The following PDS5A variants were observed in gnomAD, a reference collection of about 807,000 sequenced individuals.
PDS5A encodes sister chromatid cohesion protein PDS5 homolog A.
A neutral mutation model predicts 167.1 loss-of-function variants in PDS5A; 42 were observed. The observed-to-expected ratio is 0.25, with a 90% confidence interval of 0.20 to 0.33. PDS5A has a LOEUF of 0.33. Among genes scored for constraint, PDS5A ranks in the 10% least tolerant of loss-of-function variants. The pLI, the probability that PDS5A is intolerant of heterozygous loss-of-function variation, is 1.00. For missense variants in PDS5A, 1,033 were observed against 1,605.9 expected, an observed-to-expected ratio of 0.64 and a Z score of 6.10; for synonymous variants, 553 against 554.6, an observed-to-expected ratio of 1.00 and a Z score of 0.04.
chr4:39,874,340 A>G lies in PDS5A; in HGVS notation c.2226T>C (p.Cys742=). The change falls in exon 20 of 33, where the codon TGT becomes TGC. Residue 742 remains cysteine, a synonymous_variant. Transcript: ENST00000303538. ...CTTTATTTGTGAATATGGCGTGTAT[A>G]CAGTGCACAGCCTGTTTTGCTTGGT... ...TPHQAKQAVH[C]IHAIFTNKEV... The G allele has an allele frequency of 6.2e-7, 1 of 1,613,020 alleles. No homozygotes were observed. Among genetic ancestry groups the G allele is most frequent in the Non-Finnish European group, 8.5e-7 (1 of 1,179,054 alleles).
chr4:39,944,739 T>C (rs1165522022), intron 2 of PDS5A, among the ~76,000 whole-genome samples: 1 of 149,406 alleles, frequency 6.7e-6, no homozygotes, highest in Non-Finnish European at 1.5e-5. Context: ...GATACATGCA[T>C]GGCGGGTTCA....
At chr4:39,969,731 T>G (rs769789977) in intron 2 of PDS5A, among the ~76,000 whole-genome samples, 2 of 151,960 alleles carry the variant, frequency 1.3e-5, no homozygotes, top group Non-Finnish European at 2.9e-5. Context: ...CTTTCAAAAA[T>G]AAAAATATTT....
intron 30 of PDS5A, among the ~76,000 whole-genome samples, chr4:39,844,348 G>A (rs889566701): frequency 5.3e-5 from 8 of 151,784 alleles, no homozygotes; most frequent in African/African-American, 1.5e-4. Flanking sequence ...GGTGGCAGGC[G>A]CCTGTAATTC....
At chr4:39,858,389 G>A (rs1718707591) in intron 26 of PDS5A, among the ~76,000 whole-genome samples, 1 of 152,200 alleles carries the variant, frequency 6.6e-6, no homozygotes, top group South Asian at 2.1e-4. Context: ...ATAGGATTGA[G>A]AGCCCAGAAG....
chr4:39,964,306 G>A (rs1729772770), intron 2 of PDS5A, among the ~76,000 whole-genome samples: 1 of 152,262 alleles, frequency 6.6e-6, no homozygotes, highest in Non-Finnish European at 1.5e-5. Flanking sequence ...TCAAATGGAG[G>A]TAACAGACTG....
chr4:39,945,911 A>T (rs1218808507), intron 2 of PDS5A, among the ~76,000 whole-genome samples: 1 of 152,202 alleles, frequency 6.6e-6, no homozygotes, highest in African/African-American at 2.4e-5. Flanking sequence ...GTTGAAAGAA[A>T]AAAAAGCAGG....
chr4:39,888,696 A>AC (rs1351814628), intron 17 of PDS5A, among the ~76,000 whole-genome samples: 1 of 151,904 alleles, frequency 6.6e-6, no homozygotes. Flanking sequence ...ACAACAAAAA[A>AC]AAAACAAATA....
chr4:39,921,218 T>C (rs925822058), intron 6 of PDS5A, among the ~76,000 whole-genome samples: 4 of 152,188 alleles, frequency 2.6e-5, no homozygotes, highest in African/African-American at 7.2e-5. Context: ...AACTCTGCTG[T>C]TGTAGCATGA....
chr4:39,868,687 T>C (rs1037131849), intron 22 of PDS5A: 2 of 444,744 alleles, frequency 4.5e-6, no homozygotes, highest in Admixed American at 2.4e-5. Context: ...CCCAGGTTGG[T>C]CTTGAACTCT....
At chr4:39,935,279 G>A (rs1276363190) in intron 2 of PDS5A, among the ~76,000 whole-genome samples, 2 of 152,146 alleles carry the variant, frequency 1.3e-5, no homozygotes, top group Non-Finnish European at 2.9e-5. Context: ...GCTACTTCCA[G>A]TAGAGATGGG....
chr4:39,844,493 A>C (rs1193846795), intron 30 of PDS5A, among the ~76,000 whole-genome samples, 163 bp downstream of exon 30: 22 of 144,202 alleles, frequency 1.5e-4, no homozygotes, highest in Admixed American at 1.0e-3. Flanking sequence ...AAAAAAAAAA[A>C]ACAAAAAAAA....
chr4:39,875,934 A>G (rs1720426493), intron 19 of PDS5A, among the ~76,000 whole-genome samples: 1 of 152,056 alleles, frequency 6.6e-6, no homozygotes, highest in African/African-American at 2.4e-5. Flanking sequence ...TTTCTAGAGC[A>G]GTATAATCTA....
At chr4:39,904,588 C>G (rs962067511) in intron 11 of PDS5A, among the ~76,000 whole-genome samples, 1 of 152,112 alleles carries the variant, frequency 6.6e-6, no homozygotes, top group Non-Finnish European at 1.5e-5. Flanking sequence ...CGCCTCGGCC[C>G]CCCAAAGTGC....
intron 2 of PDS5A, among the ~76,000 whole-genome samples, chr4:39,967,223 T>C (rs1174368363): frequency 6.6e-6 from 1 of 152,066 alleles, no homozygotes; most frequent in Non-Finnish European, 1.5e-5. Flanking sequence ...GAGAATTGCT[T>C]GAACCTGGGA....
chr4:39,930,255 G>T (rs28494072), intron 2 of PDS5A, among the ~76,000 whole-genome samples: 15,356 of 75,584 alleles, frequency 0.2, 1,594 homozygotes, highest in East Asian at 0.3. Flanking sequence ...AAGTTTTTTT[G>T]TTTTTTGTTT....
chr4:39,970,535 T>C (rs1373821566), intron 2 of PDS5A, among the ~76,000 whole-genome samples: 1 of 151,678 alleles, frequency 6.6e-6, no homozygotes, highest in Non-Finnish European at 1.5e-5. Flanking sequence ...TTCAACTACA[T>C]GATAAAAGTT....
At chr4:39,939,104 C>T (rs1171038815) in intron 2 of PDS5A, among the ~76,000 whole-genome samples, 2 of 152,098 alleles carry the variant, frequency 1.3e-5, no homozygotes, top group African/African-American at 4.8e-5. Context: ...TGGCCAATAC[C>T]TGTAGTCCCA....
At chr4:39,935,778 T>C (rs1385965887) in intron 2 of PDS5A, among the ~76,000 whole-genome samples, 1 of 152,088 alleles carries the variant, frequency 6.6e-6, no homozygotes, top group Admixed American at 6.6e-5. Flanking sequence ...ACACTGGAGG[T>C]AGATATATAA....
intron 30 of PDS5A, 151 bp downstream of exon 30, chr4:39,844,505 C>A (rs1400906898): frequency 4.0e-5 from 22 of 544,548 alleles, no homozygotes; most frequent in South Asian, 7.5e-5. Context: ...CAAAAAAAAA[C>A]CCAGAAAAGA....
Sources: gnomAD v4.1 joint callset for allele counts (sites outside exome capture counted in the v4.1 genomes callset) on GRCh38, gnomAD v4.1.1 for gene constraint, MANE v1.5 for transcripts, NCBI Gene and HGNC (gene_info 2026-07-23, HGNC 2026-07-21) for gene names.